Variants in CCSER1 observed in about 807,000 individuals in gnomAD.
CCSER1 encodes serine-rich coiled-coil domain-containing protein 1.
CCSER1 carries 41 observed loss-of-function variants against 82.0 expected under a neutral mutation model. The observed-to-expected ratio is 0.50, with a 90% CI of 0.39 to 0.65. The LOEUF is 0.65. Ranked by LOEUF, CCSER1 falls within the 30% of genes least tolerant of loss-of-function variation. The probability of loss-of-function intolerance (pLI) is 0.00; values close to 1 mark genes in which losing one functional copy is unlikely to be tolerated. For synonymous variants in CCSER1, 414 were observed against 383.9 expected, an observed-to-expected ratio of 1.08 and a Z score of -0.92; for missense variants, 1,119 against 1,064.2, an observed-to-expected ratio of 1.05 and a Z score of -0.72.
intron 4 of CCSER1, among the ~76,000 whole-genome samples, chr4:90,458,160 C>T (rs77809104): frequency 0.017 from 2,592 of 152,172 alleles, 69 homozygotes; most frequent in African/African-American, 0.059. Context: ...AGTCCATAGC[C>T]GCAGCTGGTT....
rs547816034 is a variant in CCSER1, at chr4:91,244,289, G to T, written c.2217+158295G>T. On this transcript the variant is annotated intron_variant, in intron 10 of 10. Coordinates refer to ENST00000509176, the MANE Select transcript of CCSER1 (RefSeq NM_001145065.2). ...ATACTGTTAAGGTTACAGACTCTAA[G>T]CCCTGGTTCACAGACAGCATCTCTG... Among the ~76,000 whole-genome samples, 9 of 152,284 alleles carry T rather than the reference G, an allele frequency of 5.9e-5. No homozygotes were observed. In the South Asian group the frequency reaches 1.4e-3, roughly 25 times the overall value.
intron 5 of CCSER1, among the ~76,000 whole-genome samples, chr4:90,513,799 A>G (rs1578899480): frequency 6.6e-6 from 1 of 152,236 alleles, no homozygotes; most frequent in East Asian, 1.9e-4. Context: ...AAAAATTGAG[A>G]AGGTGTGAGG....
intron 1 of CCSER1, among the ~76,000 whole-genome samples, chr4:90,163,711 G>T (rs776136643): frequency 1.3e-5 from 2 of 151,904 alleles, no homozygotes; most frequent in Non-Finnish European, 2.9e-5. Context: ...AGGTCACTAA[G>T]ATGTCAAGGA....
intron 8 of CCSER1, among the ~76,000 whole-genome samples, chr4:90,919,865 T>G (rs1407369272): frequency 6.6e-6 from 1 of 151,994 alleles, no homozygotes; most frequent in Non-Finnish European, 1.5e-5. Context: ...TTACATAATA[T>G]GCTAGCCTTT....
chr4:91,101,794 T>C (rs1451095379), intron 10 of CCSER1, among the ~76,000 whole-genome samples: 1 of 152,214 alleles, frequency 6.6e-6, no homozygotes. Context: ...CCTGAGTCTT[T>C]AGAACTATAC....
At chr4:91,000,046 C>T (rs1737866678) in intron 9 of CCSER1, among the ~76,000 whole-genome samples, 1 of 151,934 alleles carries the variant, frequency 6.6e-6, no homozygotes, top group Admixed American at 6.6e-5. Context: ...ATACGGAGTT[C>T]TTTCCCCACT....
At chr4:90,426,783 C>G (rs954439860) in intron 4 of CCSER1, among the ~76,000 whole-genome samples, 1 of 151,964 alleles carries the variant, frequency 6.6e-6, no homozygotes, top group South Asian at 2.1e-4. Context: ...CAGTAAAAGC[C>G]ATCATCAAGT....
In CCSER1 at chr4:90,340,156, G is replaced by C. The variant is rs1033865074; in HGVS notation, c.1509+27109G>C. 1.9e-4 allele frequency among the ~76,000 whole-genome samples: 29 copies of C among 152,084 alleles called. 1 individual carries two copies. The highest frequency in any genetic ancestry group is 1.4e-3 in the Admixed American group (21 of 15,262). On this transcript the variant is annotated intron_variant, in intron 3 of 10. Coordinates refer to ENST00000509176, the MANE Select transcript of CCSER1 (RefSeq NM_001145065.2). ...GTTGGAATAGGACCTTGCTAAAACA[G>C]GCTTTTCATAAAGTTCTGAATTACA... is the stretch of plus-strand genomic sequence containing the variant.
chr4:90,896,554 A>G (rs1470383667), intron 8 of CCSER1, among the ~76,000 whole-genome samples: 1 of 151,894 alleles, frequency 6.6e-6, no homozygotes, highest in Non-Finnish European at 1.5e-5. Flanking sequence ...GATAAGGTAA[A>G]GTTAGTGTAC....
At position 90,977,545 on chromosome 4, in the gene CCSER1, A is replaced by G. The variant is rs562934524; in HGVS notation, c.2172+54098A>G. ...CATGTATATTTGCAATTATGTATGT[A>G]TATATACACAGACATCATATATGTG... On this transcript the variant is annotated intron_variant, in intron 9 of 10. Transcript: ENST00000509176. Among the ~76,000 whole-genome samples the G allele has an allele frequency of 5.7e-4, 86 of 151,766 alleles. 3 individuals carry two copies. The South Asian group carries it at 0.017, about 31-fold the overall frequency.
At chr4:90,876,128 T>C (rs1224024843) in intron 8 of CCSER1, among the ~76,000 whole-genome samples, 1 of 152,008 alleles carries the variant, frequency 6.6e-6, no homozygotes, top group Non-Finnish European at 1.5e-5. Flanking sequence ...GATTGCCCCC[T>C]TTTTCCCCTC....
At chr4:90,270,465 A>G (rs1303877214) in intron 1 of CCSER1, among the ~76,000 whole-genome samples, 2 of 151,752 alleles carry the variant, frequency 1.3e-5, no homozygotes. Flanking sequence ...TAAAACTGTA[A>G]AAAATACTGG....
At chr4:90,497,949 C>CTT (rs398063795) in intron 5 of CCSER1, among the ~76,000 whole-genome samples, 4 of 141,500 alleles carry the variant, frequency 2.8e-5, no homozygotes, top group South Asian at 2.3e-4. Flanking sequence ...TGAACAGTCT[C>CTT]TTTTTTTTTT....
At chr4:91,317,589 C>CGTGTGTGTGTGTGTGCGT (rs145077106) in intron 10 of CCSER1, among the ~76,000 whole-genome samples, 1 of 150,712 alleles carries the variant, frequency 6.6e-6, no homozygotes, top group East Asian at 2.0e-4. Flanking sequence ...AAAGTATATA[C>CGTGTGTGTGTGTGTGCGT]GTGTGTGTGT....
intron 5 of CCSER1, among the ~76,000 whole-genome samples, chr4:90,554,879 C>A (rs771754029): frequency 6.6e-6 from 1 of 152,138 alleles, no homozygotes; most frequent in African/African-American, 2.4e-5. Context: ...GAGGGCAGCA[C>A]CTTCAAGTTA....
chr4:90,723,475 G>GA (rs1237384336), intron 6 of CCSER1, among the ~76,000 whole-genome samples: 4 of 151,552 alleles, frequency 2.6e-5, no homozygotes, highest in East Asian at 1.9e-4. Flanking sequence ...TTTACATAAT[G>GA]AAAAAAATGG....
intron 10 of CCSER1, among the ~76,000 whole-genome samples, chr4:91,114,596 C>A (rs964686039): frequency 6.6e-6 from 1 of 152,160 alleles, no homozygotes. Context: ...GGCCTGAATG[C>A]GTGCATTTGA....
At chr4:91,203,195 G>C (rs60585394) in intron 10 of CCSER1, among the ~76,000 whole-genome samples, 1 of 151,790 alleles carries the variant, frequency 6.6e-6, no homozygotes, top group Non-Finnish European at 1.5e-5. Flanking sequence ...ATTCTAACTG[G>C]TGTGAGATGG....
At chr4:90,849,633 C>CA (rs1409796834) in intron 8 of CCSER1, among the ~76,000 whole-genome samples, 13 of 151,548 alleles carry the variant, frequency 8.6e-5, no homozygotes, top group Non-Finnish European at 1.6e-4. Context: ...ACTAAAAATA[C>CA]AAAAAATTAG....
Sources: gnomAD v4.1 joint callset for allele counts (sites outside exome capture counted in the v4.1 genomes callset) on GRCh38, gnomAD v4.1.1 for gene constraint, MANE v1.5 for transcripts, NCBI Gene and HGNC (gene_info 2026-07-23, HGNC 2026-07-21) for gene names.